LRP5: variants seen among roughly 807,000 people sequenced by gnomAD.
The protein encoded by LRP5 is low-density lipoprotein receptor-related protein 5.
LRP5 carries 62 observed loss-of-function variants against 154.1 expected under a neutral mutation model. That is an observed-to-expected ratio of 0.40 (90% CI 0.33 to 0.50). The LOEUF (loss-of-function observed/expected upper bound fraction) is 0.50, where lower values mean the gene tolerates loss of function less well. Among genes scored for constraint, LRP5 ranks in the 20% least tolerant of loss-of-function variants. The pLI, the probability that LRP5 is intolerant of heterozygous loss-of-function variation, is 0.55. For synonymous variants in LRP5, 966 were observed against 1,011.5 expected (o/e 0.96, Z 0.85); for missense variants, 1,915 against 2,336.7 (o/e 0.82, Z 3.72).
rs1453899984 is a variant in LRP5, at chr11:68,416,484, A to G, written c.2984A>G (p.Asp995Gly). ...DPLDKFIYWV[D>G]GRQNIKRAKD... ...CTGGACAAGTTCATCTACTGGGTGG[A>G]TGGGCGCCAGAACATCAAGCGAGCC... is the stretch of plus-strand genomic sequence containing the variant. Residue 995 changes from aspartate (D) to glycine (G), a missense_variant, in exon 13 of 23, where the codon GAT (aspartate) becomes GGT (glycine). Transcript: ENST00000294304. 5 of 1,613,982 alleles carry G rather than the reference A, an allele frequency of 3.1e-6. No individual in the cohort carries two copies. Among genetic ancestry groups the G allele is most frequent in the African/African-American group, 1.3e-5 (1 of 74,908 alleles).
chr11:68,378,357 C>T (rs576657621), intron 5 of LRP5, among the ~76,000 whole-genome samples: 2 of 152,060 alleles, frequency 1.3e-5, no homozygotes, highest in Non-Finnish European at 2.9e-5. Flanking sequence ...TTCTTTCGCC[C>T]CATCCCTCCC....
At chr11:68,390,885 C>G (rs541350722) in intron 7 of LRP5, among the ~76,000 whole-genome samples, 1 of 152,328 alleles carries the variant, frequency 6.6e-6, no homozygotes, top group East Asian at 1.9e-4. Flanking sequence ...TCAGTGGCCT[C>G]GTCCCATGGG....
chr11:68,362,249 G>C (rs567253172), intron 3 of LRP5, among the ~76,000 whole-genome samples: 1 of 152,152 alleles, frequency 6.6e-6, no homozygotes, highest in Admixed American at 6.5e-5. Flanking sequence ...AGTGTTTGCC[G>C]GGGCTGGGGG....
At chr11:68,318,216 G>A (rs1219972084) in intron 1 of LRP5, among the ~76,000 whole-genome samples, 1 of 151,588 alleles carries the variant, frequency 6.6e-6, no homozygotes, top group Non-Finnish European at 1.5e-5. Flanking sequence ...CACCACGCCC[G>A]GCTAATTTTT....
chr11:68,391,566 G>A (rs1310443293), intron 7 of LRP5, among the ~76,000 whole-genome samples: 2 of 152,206 alleles, frequency 1.3e-5, no homozygotes, highest in African/African-American at 4.8e-5. Flanking sequence ...TTCAGACCCT[G>A]CTTCTGAGCG....
At chr11:68,361,244 G>T (rs1239846993) in intron 3 of LRP5, among the ~76,000 whole-genome samples, 1 of 150,506 alleles carries the variant, frequency 6.6e-6, no homozygotes, top group African/African-American at 2.4e-5. Flanking sequence ...GGTGGAGCTT[G>T]CAGTGAGCTG....
intron 6 of LRP5, among the ~76,000 whole-genome samples, chr11:68,388,531 G>A (rs943007050): frequency 6.6e-6 from 1 of 152,020 alleles, no homozygotes; most frequent in Non-Finnish European, 1.5e-5. Context: ...TGTGACTTGG[G>A]GCCTCAGAAC....
intron 3 of LRP5, among the ~76,000 whole-genome samples, chr11:68,362,980 C>A (rs1370119000): frequency 6.6e-6 from 1 of 152,150 alleles, no homozygotes; most frequent in African/African-American, 2.4e-5. Flanking sequence ...ACATTATGAT[C>A]CTGTTTCCAG....
chr11:68,440,000 C>G, intron 21 of LRP5, 84 bp downstream of exon 21: 1 of 1,331,334 alleles, frequency 7.5e-7, no homozygotes, highest in Non-Finnish European at 1.0e-6. Flanking sequence ...GGAGGCTTCC[C>G]GGGTTCCTGG....
intron 9 of LRP5, among the ~76,000 whole-genome samples, chr11:68,408,450 A>G (rs888185085): frequency 1.3e-5 from 2 of 151,984 alleles, no homozygotes; most frequent in Non-Finnish European, 2.9e-5. Context: ...GGTTCTTTGT[A>G]GAAAAAAAAA....
chr11:68,361,452 C>T (rs1301235827), intron 3 of LRP5, among the ~76,000 whole-genome samples: 6 of 151,642 alleles, frequency 4.0e-5, no homozygotes, highest in Non-Finnish European at 7.4e-5. Flanking sequence ...CTGGGTAACA[C>T]GGTGAAACCC....
rs895354539 is a variant in LRP5, at chr11:68,423,347, C to T, written c.3028-142C>T. On this transcript the variant is annotated intron_variant, in intron 13 of 22. Coordinates refer to ENST00000294304, the MANE Select transcript of LRP5 (RefSeq NM_002335.4). The surrounding 1 kb of genome is among the most constrained non-coding windows in gnomAD (Gnocchi z 4.7). ...TGGCCTCTGCTGTCCTGCCAGAGCT[C>T]TCCAGCCAGTGCCCAGGGCTCTCCA... is the stretch of plus-strand genomic sequence containing the variant. 8 of 786,914 alleles carry T rather than the reference C, an allele frequency of 1.0e-5. No homozygotes were observed. The African/African-American group carries it at 1.2e-4, about 12-fold the overall frequency. 48.7% of individuals were successfully genotyped at this position (786,914 alleles called of 1,614,324 possible).
In LRP5 at chr11:68,420,412, C is replaced by T. The variant is rs555832094; in HGVS notation, c.3028-3077C>T. 2.1e-4 allele frequency among the ~76,000 whole-genome samples: 32 copies of T among 152,074 alleles called. No homozygotes were observed. The South Asian group carries it at 6.6e-3, about 32-fold the overall frequency. ...CCTTCCTTAAAGCCTGAATAATAAC[C>T]CGTTGTAAAGGCTGGGCGCGGTGGC... On this transcript the variant is annotated intron_variant, in intron 13 of 22. Coordinates refer to ENST00000294304, the MANE Select transcript of LRP5 (RefSeq NM_002335.4).
At chr11:68,365,508 C>T (rs1304638102) in intron 4 of LRP5, 63 bp from the exon 5 acceptor site, 43 of 1,611,292 alleles carry the variant, frequency 2.7e-5, no homozygotes, top group African/African-American at 1.3e-5. Flanking sequence ...GGATGTGACT[C>T]ATTCAGAAAC....
chr11:68,424,442 T>C (rs139748508), intron 14 of LRP5, among the ~76,000 whole-genome samples: 9 of 151,998 alleles, frequency 5.9e-5, no homozygotes, highest in Non-Finnish European at 1.3e-4. Flanking sequence ...TGGTGCGGCC[T>C]CTGCAGCACA....
upstream of LRP5, among the ~76,000 whole-genome samples, chr11:68,309,257 G>A (rs2098586173): frequency 6.9e-6 from 1 of 145,164 alleles, no homozygotes; most frequent in Non-Finnish European, 1.5e-5. Flanking sequence ...TTTAGAGACG[G>A]AGTCTTGCTC....
intron 9 of LRP5, among the ~76,000 whole-genome samples, chr11:68,409,071 A>ATAT (rs1324458424): frequency 1.3e-4 from 7 of 52,616 alleles, no homozygotes; most frequent in East Asian, 8.1e-4. Flanking sequence ...AAAAAAAAAA[A>ATAT]AAATATATAT....
intron 12 of LRP5, among the ~76,000 whole-genome samples, chr11:68,414,410 G>T (rs1439892168): frequency 6.6e-6 from 1 of 152,182 alleles, no homozygotes; most frequent in Non-Finnish European, 1.5e-5. Flanking sequence ...GATGCACAGA[G>T]AGGTGTGGCA....
intron 13 of LRP5, among the ~76,000 whole-genome samples, chr11:68,419,052 C>G (rs1356617179): frequency 6.6e-6 from 1 of 152,130 alleles, no homozygotes; most frequent in Non-Finnish European, 1.5e-5. Flanking sequence ...TAAGGTCCAG[C>G]CTCCTGCAGC....
Sources: gnomAD v4.1 joint callset for allele counts (sites outside exome capture counted in the v4.1 genomes callset) on GRCh38, gnomAD v4.1.1 for gene constraint, Gnocchi (gnomAD v3.1) non-coding constraint, MANE v1.5 for transcripts, NCBI Gene and HGNC (gene_info 2026-07-23, HGNC 2026-07-21) for gene names.